The following WNK2 variants were observed in gnomAD, a reference collection of about 807,000 sequenced individuals.
WNK2 encodes serine/threonine-protein kinase WNK2.
Under a neutral mutation model 192.1 loss-of-function variants are expected in WNK2, and 67 were observed. The ratio of observed to expected loss-of-function variants is 0.35; its 90% confidence interval spans 0.29 to 0.43. The LOEUF (loss-of-function observed/expected upper bound fraction) is 0.43. Ranked by LOEUF, WNK2 falls within the 20% of genes least tolerant of loss-of-function variation. The pLI is 1.00. For synonymous variants in WNK2, 1,439 were observed against 1,393.9 expected (o/e 1.03, Z -0.72); for missense variants, 2,698 against 3,089.7 (o/e 0.87, Z 3.01).
In WNK2 at chr9:93,289,579, A is replaced by G; in HGVS notation, c.4825A>G (p.Lys1609Glu). ...GGDLALPPVP[K>E]EAVSGRVQLP... ...GGACCTGGCCCTGCCCCCAGTGCCT[A>G]AGGAGGCGGTCTCAGGGCGTGTCCA... The change falls in exon 20 of 30, where the codon AAG becomes GAG. Residue 1609 changes from lysine to glutamate, a missense_variant. Coordinates refer to ENST00000427277, the MANE Select transcript of WNK2 (RefSeq NM_006648.4). 6.6e-7 allele frequency: 1 copy of G among 1,521,144 alleles called. No individual in the cohort carries two copies. The highest frequency in any genetic ancestry group is 8.8e-7 in the Non-Finnish European group (1 of 1,136,760). 94.2% of individuals were successfully genotyped at this position (1,521,144 alleles called of 1,614,324 possible).
At chr9:93,231,308 G>A (rs1461150993) in intron 4 of WNK2, among the ~76,000 whole-genome samples, 200 bp downstream of exon 4, 1 of 152,238 alleles carries the variant, frequency 6.6e-6, no homozygotes, top group Non-Finnish European at 1.5e-5. Context: ...CTGCCCACTC[G>A]TTGGATTCCC....
intron 8 of WNK2, among the ~76,000 whole-genome samples, chr9:93,251,093 C>T (rs991618473): frequency 6.6e-6 from 1 of 151,320 alleles, no homozygotes; most frequent in Non-Finnish European, 1.5e-5. Flanking sequence ...GGCCCATATT[C>T]ACTTTATTTT....
At chr9:93,209,291 C>T (rs1204646780) in intron 2 of WNK2, among the ~76,000 whole-genome samples, 1 of 152,120 alleles carries the variant, frequency 6.6e-6, no homozygotes, top group Non-Finnish European at 1.5e-5. Context: ...GGCACACTGG[C>T]GCAAGGCCGG....
intron 2 of WNK2, among the ~76,000 whole-genome samples, chr9:93,225,426 T>C (rs1837644575): frequency 6.6e-6 from 1 of 152,170 alleles, no homozygotes. Flanking sequence ...AGCAATGTGT[T>C]ACATTGATTA....
At chr9:93,266,074 A>T (rs1263279061) in intron 16 of WNK2, among the ~76,000 whole-genome samples, 2 of 152,194 alleles carry the variant, frequency 1.3e-5, no homozygotes, top group African/African-American at 2.4e-5. Context: ...TTGGTCCATA[A>T]AAACAGCCCA....
intron 8 of WNK2, among the ~76,000 whole-genome samples, chr9:93,248,715 G>T (rs769377454): frequency 2.0e-5 from 3 of 152,218 alleles, no homozygotes; most frequent in Admixed American, 2.0e-4. Context: ...TTTCATCTAA[G>T]ACCATTTAGG....
chr9:93,238,245 G>A lies in WNK2; in HGVS notation c.1246G>A (p.Ala416Thr), dbSNP rs748317366. Residue 416 changes from alanine (A) to threonine (T), a missense_variant, in exon 6 of 30, where the codon GCC (alanine) becomes ACC (threonine). Coordinates refer to ENST00000427277, the MANE Select transcript of WNK2 (RefSeq NM_006648.4). ...YRKVTCGIKP[A>T]SFEKVHDPEI... ...CTCTCCCTGTCAGGGTATCAAGCCG[G>A]CCAGCTTTGAGAAAGTGCACGATCC... 6.2e-7 allele frequency: 1 copy of A among 1,614,026 alleles called. No individual in the cohort carries two copies. The highest frequency in any genetic ancestry group is 8.5e-7 in the Non-Finnish European group (1 of 1,179,878).
chr9:93,225,492 C>A (rs1299302325), intron 2 of WNK2, among the ~76,000 whole-genome samples: 1 of 152,184 alleles, frequency 6.6e-6, no homozygotes, highest in Non-Finnish European at 1.5e-5. Flanking sequence ...CCAAGCCCAC[C>A]TCTAAGAGGC....
chr9:93,246,812 C>T (rs1564077590), intron 7 of WNK2, among the ~76,000 whole-genome samples: 1 of 152,184 alleles, frequency 6.6e-6, no homozygotes. Context: ...AGGGGAAGTG[C>T]GGGTGGATCT....
At chr9:93,317,960 C>A (rs567031988) in intron 29 of WNK2, 1 of 1,612,288 alleles carries the variant, frequency 6.2e-7, no homozygotes, top group Non-Finnish European at 8.5e-7. Flanking sequence ...AGCACTCAGC[C>A]GCGAGGGGGA....
At chr9:93,202,758 T>G (rs1406507964) in intron 2 of WNK2, among the ~76,000 whole-genome samples, 1 of 152,102 alleles carries the variant, frequency 6.6e-6, no homozygotes, top group Non-Finnish European at 1.5e-5. Flanking sequence ...CCTCCCTCAC[T>G]GAAGCCTCCC....
At chr9:93,242,756 A>G (rs1434597333) in intron 7 of WNK2, among the ~76,000 whole-genome samples, 1 of 152,204 alleles carries the variant, frequency 6.6e-6, no homozygotes, top group African/African-American at 2.4e-5. Context: ...AGTCTCACGC[A>G]CAAATGAGGA....
At chr9:93,191,254 A>G (rs948890661) in intron 2 of WNK2, among the ~76,000 whole-genome samples, 3 of 152,218 alleles carry the variant, frequency 2.0e-5, no homozygotes, top group East Asian at 3.9e-4. Flanking sequence ...TTATTGATGG[A>G]CAGCTAGCCA....
intron 5 of WNK2, 30 bp from the exon 6 acceptor site, chr9:93,238,203 G>A (rs779536663): frequency 5.0e-6 from 8 of 1,610,126 alleles, no homozygotes; most frequent in Admixed American, 1.7e-5. Context: ...CAGCCGATCG[G>A]GTCAGGTAAC....
chr9:93,251,581 A>G (rs1033713456), intron 8 of WNK2, among the ~76,000 whole-genome samples: 1 of 152,138 alleles, frequency 6.6e-6, no homozygotes, highest in African/African-American at 2.4e-5. Context: ...GTGGTGGTGT[A>G]TGCCTGTAGT....
intron 28 of WNK2, chr9:93,316,324 C>G (rs1854655446): frequency 6.6e-6 from 1 of 152,132 alleles, no homozygotes; most frequent in Non-Finnish European, 1.5e-5. Context: ...GCAGGCTAGC[C>G]CACTGGGATT....
At chr9:93,306,967 C>G (rs1852689853) in intron 27 of WNK2, 146 bp downstream of exon 27, 4 of 966,200 alleles carry the variant, frequency 4.1e-6, no homozygotes, top group South Asian at 1.4e-5. Flanking sequence ...CGGCCGGGCA[C>G]TGCTTCGCTT....
At chr9:93,280,193 A>G (rs1002938280) in intron 19 of WNK2, among the ~76,000 whole-genome samples, 1 of 152,206 alleles carries the variant, frequency 6.6e-6, no homozygotes, top group African/African-American at 2.4e-5. Flanking sequence ...CTCTCAAAAG[A>G]CAGTAGTAAG....
intron 4 of WNK2, among the ~76,000 whole-genome samples, chr9:93,232,964 CAAAAAA>C (rs71511650): frequency 1.2e-5 from 1 of 81,976 alleles, no homozygotes; most frequent in Non-Finnish European, 2.2e-5. Flanking sequence ...CCTGTCTCTA[CAAAAAA>C]AAAAAAAAAA....
Sources: allele counts gnomAD v4.1 joint callset (sites outside exome capture counted in the v4.1 genomes callset), GRCh38; gene constraint gnomAD v4.1.1; transcripts MANE v1.5; gene names NCBI Gene and HGNC (gene_info 2026-07-23, HGNC 2026-07-21).